PNLIPRP3: variants seen among roughly 807,000 people sequenced by gnomAD.
PNLIPRP3 encodes pancreatic lipase-related protein 3.
In PNLIPRP3, 58 loss-of-function variants were observed where a neutral mutation model predicts 52.8. That is an observed-to-expected ratio of 1.10 (90% confidence interval 0.89 to 1.37). PNLIPRP3 has a LOEUF of 1.37. PNLIPRP3 is among the 40% of genes most tolerant of loss of function. PNLIPRP3 has a pLI of 0.00. For synonymous variants in PNLIPRP3, 192 were observed against 185.0 expected (o/e 1.04, Z -0.31); for missense variants, 593 against 561.6 (o/e 1.06, Z -0.57).
Position 116,428,041 on chromosome 10 carries a change from T to C in PNLIPRP3, c.29T>C (p.Leu10Ser), listed in dbSNP as rs1423822944. Residue 10 changes from leucine to serine, a missense_variant, in exon 1 of 12, where the codon TTG (leucine) becomes TCG (serine). Coordinates refer to ENST00000369230, the MANE Select transcript of PNLIPRP3 (RefSeq NM_001011709.3). The part of the protein sequence containing the change: MLGIWIVAF[L>S]FFGTSRGKEV... ...CTTGGAATTTGGATTGTTGCATTCTTGTTCTTTGGCACATCAAGAGGTAAG... is the reference window on the plus strand; with the variant it reads ...CTTGGAATTTGGATTGTTGCATTCTCGTTCTTTGGCACATCAAGAGGTAAG... The C allele has an allele frequency of 6.2e-7, 1 of 1,609,272 alleles. No individual in the cohort carries two copies. The highest frequency in any genetic ancestry group is 8.5e-7 in the Non-Finnish European group (1 of 1,176,510).
intron 1 of PNLIPRP3, among the ~76,000 whole-genome samples, chr10:116,434,259 C>A (rs899374268): frequency 4.6e-5 from 7 of 152,004 alleles, no homozygotes; most frequent in African/African-American, 1.7e-4. Flanking sequence ...AAAATTAAAA[C>A]CACTGGGATT....
At chr10:116,446,316 A>G (rs1286068064) in intron 4 of PNLIPRP3, among the ~76,000 whole-genome samples, 1 of 135,034 alleles carries the variant, frequency 7.4e-6, no homozygotes, top group Non-Finnish European at 1.5e-5. Context: ...GCTGCACTCC[A>G]GCTTGGGCCA....
intron 2 of PNLIPRP3, 74 bp downstream of exon 2, chr10:116,436,939 G>T (rs1265895484): frequency 2.9e-6 from 4 of 1,382,798 alleles, no homozygotes; most frequent in Non-Finnish European, 3.9e-6. Flanking sequence ...AGAAGACATA[G>T]ATACAGTAAC....
At chr10:116,476,625 A>G (rs2133164382) in intron 10 of PNLIPRP3, 27 bp from the exon 11 acceptor site, 1 of 1,531,982 alleles carries the variant, frequency 6.5e-7, no homozygotes, top group Non-Finnish European at 8.8e-7. Context: ...CCCAGTGCAA[A>G]CTTACGAGTC....
At chr10:116,437,337 C>T (rs538615934) in intron 2 of PNLIPRP3, among the ~76,000 whole-genome samples, 2 of 152,224 alleles carry the variant, frequency 1.3e-5, no homozygotes, top group South Asian at 4.1e-4. Context: ...ACCTTGAGGT[C>T]AGGGATGGAA....
At chr10:116,456,379 G>A (rs929586151) in intron 5 of PNLIPRP3, among the ~76,000 whole-genome samples, 43 of 152,170 alleles carry the variant, frequency 2.8e-4, no homozygotes, top group African/African-American at 9.4e-4. Flanking sequence ...TATGGCGATG[G>A]ATGTCCCAAT....
chr10:116,433,077 G>GCA (rs1845729129), intron 1 of PNLIPRP3, among the ~76,000 whole-genome samples: 1 of 112,662 alleles, frequency 8.9e-6, no homozygotes, highest in East Asian at 3.1e-4. Context: ...TCGTGCCATT[G>GCA]CACTCCAGCT....
chr10:116,470,934 C>T (rs186566552), intron 9 of PNLIPRP3, among the ~76,000 whole-genome samples: 1 of 152,050 alleles, frequency 6.6e-6, no homozygotes, highest in Non-Finnish European at 1.5e-5. Context: ...ACAGTTCAAC[C>T]CTTAGTGAGC....
At chr10:116,442,742 G>A (rs1162573338) in intron 2 of PNLIPRP3, among the ~76,000 whole-genome samples, 2 of 152,046 alleles carry the variant, frequency 1.3e-5, no homozygotes, top group Non-Finnish European at 2.9e-5. Flanking sequence ...TCATGGGTCT[G>A]TAATCCAACT....
chr10:116,467,116 T>C (rs1181493965), intron 8 of PNLIPRP3, among the ~76,000 whole-genome samples: 4 of 152,200 alleles, frequency 2.6e-5, no homozygotes, highest in African/African-American at 9.6e-5. Flanking sequence ...ATCTGCCAAA[T>C]TGGAGTACCC....
Position 116,477,103 on chromosome 10 carries a change from A to G in PNLIPRP3, c.1354A>G (p.Ser452Gly). The G allele has an allele frequency of 1.3e-6, 2 of 1,595,034 alleles. No homozygotes were observed. Among genetic ancestry groups the G allele is most frequent in the Non-Finnish European group, 1.7e-6 (2 of 1,167,150 alleles). ...AAAAACTTTCAGATCTACCTTCTGT[A>G]GCCAAGACATTATGGGACCTAATAT... Reference protein sequence around the residue: ...GKYGYKSTFCSQDIMGPNILQ... With the variant: ...GKYGYKSTFCGQDIMGPNILQ... Residue 452 changes from serine to glycine, a missense_variant, in exon 12 of 12, where the codon AGC (serine) becomes GGC (glycine). Transcript: ENST00000369230.
At chr10:116,434,496 T>G (rs1411099912) in intron 1 of PNLIPRP3, among the ~76,000 whole-genome samples, 1 of 152,218 alleles carries the variant, frequency 6.6e-6, no homozygotes, top group Non-Finnish European at 1.5e-5. Context: ...CAATCTTTTC[T>G]TAAGTGGCTT....
chr10:116,452,680 G>C (rs1307436308), intron 4 of PNLIPRP3, among the ~76,000 whole-genome samples: 1 of 152,224 alleles, frequency 6.6e-6, no homozygotes, highest in Non-Finnish European at 1.5e-5. Context: ...ATACAGCTTA[G>C]AACACAGCTC....
intron 1 of PNLIPRP3, among the ~76,000 whole-genome samples, chr10:116,434,677 T>C (rs1845751837): frequency 6.6e-6 from 1 of 152,204 alleles, no homozygotes; most frequent in South Asian, 2.1e-4. Flanking sequence ...TTAAAATCCA[T>C]AGACTGAATA....
intron 7 of PNLIPRP3, among the ~76,000 whole-genome samples, chr10:116,465,407 C>T (rs7074313): frequency 0.68 from 102,947 of 151,548 alleles, 37,888 homozygotes; most frequent in Middle Eastern, 0.84. Flanking sequence ...TGGTGGTGGG[C>T]GCCTGTAGTC....
chr10:116,449,083 C>G (rs1845999075), intron 4 of PNLIPRP3, among the ~76,000 whole-genome samples: 1 of 151,742 alleles, frequency 6.6e-6, no homozygotes, highest in African/African-American at 2.4e-5. Flanking sequence ...GTCCTAGATA[C>G]TCAGGAGGCT....
chr10:116,460,284 C>G (rs1176439281), intron 5 of PNLIPRP3, among the ~76,000 whole-genome samples: 4 of 152,188 alleles, frequency 2.6e-5, no homozygotes, highest in African/African-American at 9.6e-5. Flanking sequence ...ATACTAGGTG[C>G]TTGACAAATA....
chr10:116,474,212 A>G (rs1462063736), intron 10 of PNLIPRP3, among the ~76,000 whole-genome samples: 1 of 152,218 alleles, frequency 6.6e-6, no homozygotes, highest in African/African-American at 2.4e-5. Flanking sequence ...CCCCTACTCA[A>G]TAAATGGTGC....
At chr10:116,444,050 ACCG>A (rs977325360) in intron 3 of PNLIPRP3, among the ~76,000 whole-genome samples, 16 of 151,986 alleles carry the variant, frequency 1.1e-4, no homozygotes, top group Admixed American at 5.9e-4. Context: ...GGCGGAAGGC[ACCG>A]CTTCACTAGG....
Sources: allele counts gnomAD v4.1 joint callset (sites outside exome capture counted in the v4.1 genomes callset), GRCh38; gene constraint gnomAD v4.1.1; transcripts MANE v1.5; gene names NCBI Gene and HGNC (gene_info 2026-07-23, HGNC 2026-07-21).